Variants in SH3BGRL2 observed in about 807,000 individuals in gnomAD.
SH3BGRL2 encodes the protein SH3 domain binding glutamate rich protein like 2, also known as SH3 domain-binding glutamic acid-rich-like protein 2.
Under a neutral mutation model 14.8 loss-of-function variants are expected in SH3BGRL2, and 21 were observed. The ratio of observed to expected loss-of-function variants is 1.42; its 90% CI spans 1.01 to 2.05. The LOEUF is 2.05. Ranked by LOEUF, SH3BGRL2 falls within the 30% of genes most tolerant of loss-of-function variation. The pLI is 0.00. For missense variants in SH3BGRL2, 147 were observed against 130.8 expected, an observed-to-expected ratio of 1.12 and a Z score of -0.61; for synonymous variants, 50 against 47.8, an observed-to-expected ratio of 1.05 and a Z score of -0.19.
At chr6:79,603,443 A>T in the SH3BGRL2 span, among the ~76,000 whole-genome samples, 1 of 152,222 alleles carries the variant, frequency 6.6e-6, no homozygotes, top group African/African-American at 2.4e-5. Context: ...CCAAAGGTAG[A>T]CTAAAACACA....
At chr6:79,690,146 C>T (rs1770183568) in intron 2 of SH3BGRL2, among the ~76,000 whole-genome samples, 1 of 152,072 alleles carries the variant, frequency 6.6e-6, no homozygotes, top group African/African-American at 2.4e-5. Context: ...CACATGCTGC[C>T]ATCCCTGGCT....
chr6:79,680,049 A>T (rs1448016847), intron 2 of SH3BGRL2, among the ~76,000 whole-genome samples: 1 of 152,074 alleles, frequency 6.6e-6, no homozygotes, highest in Non-Finnish European at 1.5e-5. Context: ...CACTCTGTTG[A>T]TTGTGTCCTT....
intron 3 of SH3BGRL2, among the ~76,000 whole-genome samples, chr6:79,697,780 A>G (rs1009130457): frequency 6.6e-6 from 1 of 152,198 alleles, no homozygotes; most frequent in African/African-American, 2.4e-5. Flanking sequence ...AGAGATATTA[A>G]AAGTCCAGAT....
At chr6:79,574,981 G>C in the SH3BGRL2 span, 1 of 152,086 alleles carries the variant, frequency 6.6e-6, no homozygotes, top group Non-Finnish European at 1.5e-5. Flanking sequence ...TGGCATCTCA[G>C]GTCAACCAAA....
At chr6:79,610,145 T>C in the SH3BGRL2 span, among the ~76,000 whole-genome samples, 3 of 152,196 alleles carry the variant, frequency 2.0e-5, no homozygotes, top group African/African-American at 4.8e-5. Flanking sequence ...ACTATCCTAT[T>C]TGATAGTGGT....
At chr6:79,669,308 C>G (rs1327940291) in intron 1 of SH3BGRL2, among the ~76,000 whole-genome samples, 1 of 152,026 alleles carries the variant, frequency 6.6e-6, no homozygotes, top group Non-Finnish European at 1.5e-5. Context: ...GGTGAGCCCT[C>G]AAGGATAAAA....
At chr6:79,675,678 G>T (rs974003978) in intron 2 of SH3BGRL2, among the ~76,000 whole-genome samples, 6 of 151,766 alleles carry the variant, frequency 4.0e-5, no homozygotes, top group Non-Finnish European at 8.8e-5. Context: ...TTCTGAAAAA[G>T]AACAAAATCC....
the SH3BGRL2 span, among the ~76,000 whole-genome samples, chr6:79,546,568 C>T: frequency 1.3e-5 from 2 of 152,092 alleles, no homozygotes; most frequent in Admixed American, 6.5e-5. Flanking sequence ...AGAGGGTTTT[C>T]GTTCTCCCAA....
intron 2 of SH3BGRL2, among the ~76,000 whole-genome samples, chr6:79,693,528 T>A (rs1770270571): frequency 6.6e-6 from 1 of 151,676 alleles, no homozygotes; most frequent in Middle Eastern, 3.4e-3. Context: ...TTGAGATACG[T>A]CCCATCAATA....
At chr6:79,581,541 C>T in the SH3BGRL2 span, among the ~76,000 whole-genome samples, 4 of 152,198 alleles carry the variant, frequency 2.6e-5, no homozygotes, top group African/African-American at 9.7e-5. Context: ...ACAGAAACCA[C>T]ATGATTATCT....
At chr6:79,625,780 C>T in the SH3BGRL2 span, among the ~76,000 whole-genome samples, 3 of 152,174 alleles carry the variant, frequency 2.0e-5, no homozygotes, top group Admixed American at 6.5e-5. Context: ...CTTGCAACAG[C>T]CAGGAAGATA....
the SH3BGRL2 span, among the ~76,000 whole-genome samples, chr6:79,588,129 TAAAAATAC>T: frequency 6.6e-6 from 1 of 151,838 alleles, no homozygotes; most frequent in Non-Finnish European, 1.5e-5. Flanking sequence ...CCATCTCTAC[TAAAAATAC>T]AAAAAATTAG....
At chr6:79,682,405 C>T (rs1225467737) in intron 2 of SH3BGRL2, among the ~76,000 whole-genome samples, 2 of 152,240 alleles carry the variant, frequency 1.3e-5, no homozygotes, top group East Asian at 3.9e-4. Flanking sequence ...CCCAAATGCA[C>T]TTAAAATATA....
the SH3BGRL2 span, among the ~76,000 whole-genome samples, chr6:79,613,573 C>T: frequency 6.6e-6 from 1 of 152,136 alleles, no homozygotes; most frequent in African/African-American, 2.4e-5. Context: ...CCCTACCTGT[C>T]AGATAATTCG....
the SH3BGRL2 span, among the ~76,000 whole-genome samples, chr6:79,591,653 G>T: frequency 2.0e-5 from 3 of 152,116 alleles, no homozygotes; most frequent in Non-Finnish European, 2.9e-5. Context: ...TGATCTGCCC[G>T]CCTCGACTTC....
chr6:79,644,699 C>T (rs1769093455), intron 1 of SH3BGRL2, among the ~76,000 whole-genome samples: 1 of 151,972 alleles, frequency 6.6e-6, no homozygotes, highest in African/African-American at 2.4e-5. Flanking sequence ...CTCTGGATCT[C>T]AGAAAATCTA....
chr6:79,537,639 C>T, the SH3BGRL2 span, among the ~76,000 whole-genome samples: 1 of 152,212 alleles, frequency 6.6e-6, no homozygotes, highest in African/African-American at 2.4e-5. Context: ...CTCCAGGCTC[C>T]TACGGGCTGT....
In SH3BGRL2 at chr6:79,700,981, T is replaced by A. The variant is rs1454348497; in HGVS notation, c.*1472T>A. On this transcript the variant is annotated 3_prime_UTR_variant, in exon 4 of 4. Coordinates refer to ENST00000369838, the MANE Select transcript of SH3BGRL2 (RefSeq NM_031469.4). ...AAAGAGCAGAAGAATTACAGCCCTGTCACATGTGCCCAGCACTCCGCCCCA... is the reference window on the plus strand; with the variant it reads ...AAAGAGCAGAAGAATTACAGCCCTGACACATGTGCCCAGCACTCCGCCCCA... The A allele has an allele frequency of 6.6e-6, 1 of 152,180 alleles. No homozygotes were observed. The highest frequency in any genetic ancestry group is 1.5e-5 in the Non-Finnish European group (1 of 68,032). The allele number at this position is 152,180 out of a possible 1,614,324, so 9.4% of individuals were successfully genotyped here.
At chr6:79,568,992 TG>T in the SH3BGRL2 span, among the ~76,000 whole-genome samples, 1 of 152,184 alleles carries the variant, frequency 6.6e-6, no homozygotes, top group Non-Finnish European at 1.5e-5. Context: ...AAGCATGGCC[TG>T]TGACACAGCC....
Sources: allele counts gnomAD v4.1 joint callset (sites outside exome capture counted in the v4.1 genomes callset), GRCh38; gene constraint gnomAD v4.1.1; transcripts MANE v1.5; gene names NCBI Gene and HGNC (gene_info 2026-07-23, HGNC 2026-07-21).